The following MUC4 variants were observed in gnomAD, a reference collection of about 807,000 sequenced individuals.
The protein encoded by MUC4 is mucin-4.
Under a neutral mutation model 257.9 loss-of-function variants are expected in MUC4, and 202 were observed. The ratio of observed to expected loss-of-function variants is 0.78; its 90% CI spans 0.70 to 0.88. The LOEUF (loss-of-function observed/expected upper bound fraction) is 0.88. MUC4 is among the 40% of genes least tolerant of loss of function. The pLI is 0.00. For synonymous variants in MUC4, 2,351 were observed against 2,757.1 expected, an observed-to-expected ratio of 0.85 and a Z score of 4.62; for missense variants, 5,976 against 6,513.7, an observed-to-expected ratio of 0.92 and a Z score of 2.84.
intron 24 of MUC4, among the ~76,000 whole-genome samples, chr3:195,747,951 G>A (rs1715412181): frequency 6.6e-6 from 1 of 152,266 alleles, no homozygotes; most frequent in African/African-American, 2.4e-5. Flanking sequence ...AGGTGGGCAT[G>A]CGCAGTCACA....
intron 1 of MUC4, among the ~76,000 whole-genome samples, chr3:195,807,404 G>C (rs1222294269): frequency 1.3e-5 from 2 of 152,120 alleles, no homozygotes; most frequent in Non-Finnish European, 2.9e-5. Context: ...GGAGGCAGAG[G>C]CTGCACTGAG....
At chr3:195,749,146 G>T in intron 23 of MUC4, 82 bp from the exon 24 acceptor site, 1 of 1,526,194 alleles carries the variant, frequency 6.6e-7, no homozygotes, top group Non-Finnish European at 8.9e-7. Context: ...ATTCCTTTTC[G>T]GGTGTTTATC....
chr3:195,758,525 C>A (rs1045490843), intron 17 of MUC4, among the ~76,000 whole-genome samples: 4 of 149,640 alleles, frequency 2.7e-5, no homozygotes, highest in African/African-American at 9.8e-5. Flanking sequence ...TGCATAATGA[C>A]TAAAGATGAC....
chr3:195,789,710 T>C lies in MUC4; in HGVS notation c.1870A>G (p.Thr624Ala), dbSNP rs1560399288. 1 of 1,613,924 alleles carries C rather than the reference T, an allele frequency of 6.2e-7. No individual in the cohort carries two copies. ...GGTGATTCCTGAGGAGAGGTGCTTG[T>C]GGAATGTATTGTTGAATGATTTGTT... ...PSTNHSTIHS[T>A]STSPQESPAV... Residue 624 changes from threonine (T) to alanine (A), a missense_variant, in exon 2 of 25, where the codon ACA (threonine) becomes GCA (alanine). Thr to Ala is a moderately conservative substitution (Grantham distance 58). Around this residue, in one of 44 missense-constraint regions of MUC4, gnomAD observed 1,583 missense variants for 1,257.4 expected, o/e 1.26. Coordinates refer to ENST00000463781, the MANE Select transcript of MUC4 (RefSeq NM_018406.7).
intron 1 of MUC4, among the ~76,000 whole-genome samples, chr3:195,800,304 A>T (rs1007058917): frequency 1.3e-5 from 2 of 152,072 alleles, no homozygotes; most frequent in Non-Finnish European, 2.9e-5. Flanking sequence ...CTTGCTAAAC[A>T]GGGCTGTGTC....
At chr3:195,794,396 A>G (rs1478557721) in intron 1 of MUC4, among the ~76,000 whole-genome samples, 4 of 148,252 alleles carry the variant, frequency 2.7e-5, no homozygotes, top group African/African-American at 7.8e-5. Flanking sequence ...AGAGAGAAGA[A>G]AGAGAGAGAG....
intron 24 of MUC4, among the ~76,000 whole-genome samples, chr3:195,747,870 A>C (rs1715382569): frequency 6.6e-6 from 1 of 152,268 alleles, no homozygotes; most frequent in African/African-American, 2.4e-5. Flanking sequence ...CAAAAAACAA[A>C]AACAAAAACC....
intron 17 of MUC4, among the ~76,000 whole-genome samples, chr3:195,758,313 A>C (rs1226820736): frequency 6.6e-6 from 1 of 152,164 alleles, no homozygotes; most frequent in East Asian, 1.9e-4. Context: ...ACTGGGTCCT[A>C]GCCCAGGAAA....
intron 1 of MUC4, among the ~76,000 whole-genome samples, chr3:195,797,380 C>G (rs1392541631): frequency 1.3e-5 from 2 of 151,966 alleles, no homozygotes; most frequent in Non-Finnish European, 2.9e-5. Context: ...ACCATATAAA[C>G]AGAACGGAGG....
chr3:195,808,109 A>T lies in MUC4; in HGVS notation c.82+3627T>A, dbSNP rs79468407. Among the ~76,000 whole-genome samples the T allele has an allele frequency of 6.0e-3, 907 of 152,380 alleles. 11 individuals are homozygous for T. Among genetic ancestry groups the T allele is most frequent in the African/African-American group, 0.021 (864 of 41,590 alleles). Reference sequence around the variant, plus strand: ...AAGCACGGGGTGGCTTTTTAGAGGCACGAGGATCCTTAGATGAAGGGATAT... The same window carrying T: ...AAGCACGGGGTGGCTTTTTAGAGGCTCGAGGATCCTTAGATGAAGGGATAT... On this transcript the variant is annotated intron_variant, in intron 1 of 24. Coordinates refer to ENST00000463781, the MANE Select transcript of MUC4 (RefSeq NM_018406.7).
rs1733694901 is a variant in MUC4 at position 195,790,271 on chromosome 3, C to T, written c.1309G>A (p.Ala437Thr). The T allele has an allele frequency of 6.2e-7, 1 of 1,613,812 alleles. No individual in the cohort carries two copies. Among genetic ancestry groups the T allele is most frequent in the African/African-American group, 1.3e-5 (1 of 74,892 alleles). Residue 437 changes from alanine (A) to threonine (T), a missense_variant, in exon 2 of 25, where the codon GCA becomes ACA. Transcript: ENST00000463781. The stretch of plus-strand genomic sequence containing the variant: ...GGAGGTAGAGAACTGGGGGAGAGTG[C>T]TGTTGACAGAGTGTCTGACCACCAT... ...TIWWSDTLST[A>T]LSPSSLPPKI...
In MUC4 at chr3:195,761,056, G is replaced by T. The variant is rs770584932; in HGVS notation, c.14676C>A (p.Thr4892=). The change falls in exon 16 of 25, where the codon ACC becomes ACA. Residue 4892 remains threonine, a synonymous_variant. Transcript: ENST00000463781. ...KRNDQLPSNF[T]PVFYSQLQKN... ...TTTGCAGTTGTGAGTAGAAAACAGGGGTGAAGTTGGAAGGCAGCTGGTCAT... is the reference window on the plus strand; with the variant it reads ...TTTGCAGTTGTGAGTAGAAAACAGGTGTGAAGTTGGAAGGCAGCTGGTCAT... 8 of 1,614,060 alleles carry T rather than the reference G, an allele frequency of 5.0e-6. No homozygotes were observed. In the African/African-American group the frequency reaches 9.3e-5, roughly 19 times the overall value.
At position 195,769,443 on chromosome 3, in the gene MUC4, A is replaced by G. The variant is rs541170261; in HGVS notation, c.13399-291T>C. On this transcript the variant is annotated intron_variant, in intron 6 of 24. Transcript: ENST00000463781. ...CAATTCAGTTAGATGAGTGTTTGTT[A>G]GAGAAAGCTACCAGAACCTGAGATC... 4.2e-4 allele frequency: 157 copies of G among 371,898 alleles called. 1 individual carries two copies. Among genetic ancestry groups the G allele is most frequent in the African/African-American group, 3.0e-3 (150 of 50,178 alleles). The allele number at this position is 371,898 out of a possible 1,614,324, so 23.0% of individuals were successfully genotyped here.
chr3:195,774,610 CA>C (rs998508558), intron 3 of MUC4, among the ~76,000 whole-genome samples: 1 of 152,116 alleles, frequency 6.6e-6, no homozygotes, highest in African/African-American at 2.4e-5. Context: ...GGTTAAAAGA[CA>C]AAAGTCTATG....
At chr3:195,796,635 G>A (rs1400195321) in intron 1 of MUC4, among the ~76,000 whole-genome samples, 3 of 152,032 alleles carry the variant, frequency 2.0e-5, no homozygotes, top group African/African-American at 7.2e-5. Flanking sequence ...AGGTTGCAGT[G>A]AGCGGAGATC....
At chr3:195,778,489 T>G in intron 2 of MUC4, 34 bp from the exon 3 acceptor site, 1 of 1,603,956 alleles carries the variant, frequency 6.2e-7, no homozygotes, top group East Asian at 2.2e-5. Context: ...GGGGTGTTTC[T>G]TACAGTAACA....
chr3:195,778,246 G>A, intron 3 of MUC4, 57 bp downstream of exon 3: 1 of 1,522,324 alleles, frequency 6.6e-7, no homozygotes, highest in Non-Finnish European at 8.8e-7. Context: ...AGGCTGAGAG[G>A]GAGCCTTCAG....
At chr3:195,801,179 C>A (rs925362538) in intron 1 of MUC4, among the ~76,000 whole-genome samples, 1 of 152,210 alleles carries the variant, frequency 6.6e-6, no homozygotes, top group Admixed American at 6.5e-5. Flanking sequence ...CTGACCTTGG[C>A]TCTCACCAGG....
At position 195,788,879 on chromosome 3, in the gene MUC4, T is replaced by G. The variant is rs2149035802; in HGVS notation, c.2701A>C (p.Thr901Pro). Residue 901 changes from threonine (T) to proline (P), a missense_variant, in exon 2 of 25, where the codon ACA (threonine) becomes CCA (proline). Thr to Pro is a conservative substitution (Grantham distance 38). Coordinates refer to ENST00000463781, the MANE Select transcript of MUC4 (RefSeq NM_018406.7). The part of the protein sequence containing the change: ...PTSPSASPQE[T>P]AAISRMAQTQ... ...TGGGCCATCCGGGAAATGGCGGCTG[T>G]CTCCTGAGGAGAGGCACTGGGAGAA... is the stretch of plus-strand genomic sequence containing the variant. 1.9e-6 allele frequency: 3 copies of G among 1,613,784 alleles called. No homozygotes were observed. Among genetic ancestry groups the G allele is most frequent in the Non-Finnish European group, 2.5e-6 (3 of 1,179,810 alleles).
Sources: allele counts gnomAD v4.1 joint callset (sites outside exome capture counted in the v4.1 genomes callset), GRCh38; gene constraint gnomAD v4.1.1; regional missense constraint gnomAD v4.1.1; transcripts MANE v1.5; gene names NCBI Gene and HGNC (gene_info 2026-07-23, HGNC 2026-07-21).